The following DRC7 variants were observed in gnomAD, a reference collection of about 807,000 sequenced individuals.
DRC7 encodes the protein coiled-coil domain containing 135.
DRC7 carries 80 observed loss-of-function variants against 104.4 expected under a neutral mutation model. The observed-to-expected ratio is 0.77, with a 90% CI of 0.64 to 0.92. The LOEUF is 0.92. DRC7 is among the 40% of genes least tolerant of loss of function. The probability of loss-of-function intolerance (pLI) is 0.00; values close to 1 mark genes in which losing one functional copy is unlikely to be tolerated. For synonymous variants in DRC7, 405 were observed against 447.3 expected, an observed-to-expected ratio of 0.91 and a Z score of 1.19; for missense variants, 1,034 against 1,141.1, an observed-to-expected ratio of 0.91 and a Z score of 1.35.
chr16:57,730,104 AG>A (rs2049040614), intron 17 of DRC7, among the ~76,000 whole-genome samples: 1 of 58,238 alleles, frequency 1.7e-5, no homozygotes. Flanking sequence ...TGGATGAGTG[AG>A]TGAGCGGGTG....
chr16:57,722,386 G>A (rs1297355525), intron 10 of DRC7, among the ~76,000 whole-genome samples: 1 of 152,142 alleles, frequency 6.6e-6, no homozygotes, highest in Non-Finnish European at 1.5e-5. Flanking sequence ...AGTCCAACAA[G>A]GGGAGGAGGG....
Position 57,702,023 on chromosome 16 carries a change from A to G in DRC7, c.592A>G (p.Ile198Val). ...CAGTACGCTGCTCTGCTCCATGCTT[A>G]TCGGCTCTGGCTATGATGCTTACTG... is the stretch of plus-strand genomic sequence containing the variant. The part of the protein sequence containing the change: ...DFSTLLCSML[I>V]GSGYDAYCVN... The change falls in exon 6 of 19, where the codon ATC (isoleucine) becomes GTC (valine). Residue 198 changes from isoleucine to valine, a missense_variant. Transcript: ENST00000360716. The G allele has an allele frequency of 1.2e-6, 2 of 1,614,210 alleles. No individual in the cohort carries two copies. Among genetic ancestry groups the G allele is most frequent in the Non-Finnish European group, 1.7e-6 (2 of 1,180,026 alleles).
chr16:57,700,393 A>T, intron 5 of DRC7, 123 bp downstream of exon 5: 1 of 1,296,418 alleles, frequency 7.7e-7, no homozygotes, highest in South Asian at 1.5e-5. Flanking sequence ...TCATGCCTGT[A>T]ATCCCAGCAT....
intron 9 of DRC7, 52 bp from the exon 10 acceptor site, chr16:57,721,615 G>C: frequency 7.0e-7 from 1 of 1,418,684 alleles, no homozygotes; most frequent in Admixed American, 1.8e-5. Context: ...CATAACTTCT[G>C]CTTCAACACC....
intron 17 of DRC7, 142 bp from the exon 18 acceptor site, chr16:57,730,789 G>A: frequency 1.2e-6 from 1 of 830,586 alleles, no homozygotes; most frequent in South Asian, 1.7e-5. Context: ...TCTGTGGCAG[G>A]TATGGATAGG....
chr16:57,728,132 C>T (rs2048993394), intron 16 of DRC7, among the ~76,000 whole-genome samples: 2 of 152,236 alleles, frequency 1.3e-5, no homozygotes, highest in Non-Finnish European at 2.9e-5. Context: ...CCTGTCAGAT[C>T]CTCAGATCCT....
chr16:57,720,958 G>A (rs1171380329), intron 9 of DRC7, among the ~76,000 whole-genome samples: 1 of 152,160 alleles, frequency 6.6e-6, no homozygotes, highest in Non-Finnish European at 1.5e-5. Context: ...AGCACTATGG[G>A]AGGCCAAGGT....
intron 8 of DRC7, 118 bp from the exon 9 acceptor site, chr16:57,718,229 A>G (rs1476699162): frequency 1.5e-6 from 2 of 1,332,024 alleles, no homozygotes; most frequent in Non-Finnish European, 2.1e-6. Flanking sequence ...TGCTTCCCCA[A>G]GCCCTGGGCC....
chr16:57,722,908 T>G (rs2048919888), intron 11 of DRC7, 67 bp downstream of exon 11: 2 of 1,612,684 alleles, frequency 1.2e-6, no homozygotes, highest in African/African-American at 2.7e-5. Context: ...CTACTCTCTC[T>G]GGGGTCATTG....
chr16:57,697,894 T>C lies in DRC7; in HGVS notation c.-37-19T>C. On this transcript the variant is annotated intron_variant, in intron 2 of 18. Coordinates refer to ENST00000360716, the MANE Select transcript of DRC7 (RefSeq NM_001289162.2). ...TGGGCTGACAGTCGGCCATGGAGTA[T>C]ACTTACCCTTCCCCACAGAGACATT... The C allele has an allele frequency of 6.3e-7, 1 of 1,584,318 alleles. No homozygotes were observed. The highest frequency in any genetic ancestry group is 1.2e-5 in the South Asian group (1 of 86,204).
intron 17 of DRC7, among the ~76,000 whole-genome samples, chr16:57,730,115 G>A (rs575362053): frequency 2.8e-5 from 4 of 141,228 alleles, no homozygotes; most frequent in Non-Finnish European, 6.0e-5. Flanking sequence ...GTGAGCGGGT[G>A]GGTGGATGGA....
intron 10 of DRC7, among the ~76,000 whole-genome samples, chr16:57,721,972 AGTGAGCATGTGTGG>A (rs2048908232): frequency 6.6e-6 from 1 of 150,888 alleles, no homozygotes; most frequent in South Asian, 2.1e-4. Flanking sequence ...GATGCAGTTC[AGTGAGCATGTGTGG>A]GATGATGGCG....
intron 14 of DRC7, 50 bp downstream of exon 14, chr16:57,726,333 G>T (rs760567811): frequency 3.8e-5 from 58 of 1,512,846 alleles, no homozygotes; most frequent in Non-Finnish European, 4.9e-5. Context: ...GAGGAACCGG[G>T]GCTCTCTGTC....
intron 17 of DRC7, among the ~76,000 whole-genome samples, chr16:57,729,917 G>C (rs1597816666): frequency 7.9e-6 from 1 of 127,340 alleles, no homozygotes; most frequent in East Asian, 2.8e-4. Flanking sequence ...TAGGTGGGTG[G>C]ATGGATGAGT....
At chr16:57,710,679 G>T (rs991310408) in intron 8 of DRC7, among the ~76,000 whole-genome samples, 1 of 152,120 alleles carries the variant, frequency 6.6e-6, no homozygotes, top group Non-Finnish European at 1.5e-5. Flanking sequence ...GTCCTAGTTT[G>T]CTGAGAGTTT....
Position 57,718,258 on chromosome 16 carries a change from C to T in DRC7, c.1078-89C>T, listed in dbSNP as rs1462575051. 1.8e-5 allele frequency: 28 copies of T among 1,516,620 alleles called. No individual in the cohort carries two copies. The East Asian group carries it at 2.3e-4, about 12-fold the overall frequency. 93.9% of individuals were successfully genotyped at this position (1,516,620 alleles called of 1,614,324 possible). ...CTGGGCCCAGGTCCCTTCTCTGCCC[C>T]GGAGTAGCCATCTCCCAACTCCCCA... On this transcript the variant is annotated intron_variant, in intron 8 of 18. Coordinates refer to ENST00000360716, the MANE Select transcript of DRC7 (RefSeq NM_001289162.2).
Position 57,717,663 on chromosome 16 carries a change from C to T in DRC7, c.1078-684C>T, listed in dbSNP as rs574245126. ...GCAGTGAGCCGAGATCACGCCACTG[C>T]ACTCCAGCCTGGGCGACAGAGTGAG... is the stretch of plus-strand genomic sequence containing the variant. On this transcript the variant is annotated intron_variant, in intron 8 of 18. Transcript: ENST00000360716. Among the ~76,000 whole-genome samples, 7 of 151,608 alleles carry T rather than the reference C, an allele frequency of 4.6e-5. No individual in the cohort carries two copies. In the South Asian group the frequency reaches 1.5e-3, roughly 32 times the overall value.
rs2048664845 is a variant in DRC7, at chr16:57,702,048, G to C, written c.617G>C (p.Cys206Ser). Residue 206 changes from cysteine to serine, a missense_variant, in exon 6 of 19, where the codon TGC (cysteine) becomes TCC (serine). Cys to Ser is a moderately radical substitution (Grantham distance 112). Coordinates refer to ENST00000360716, the MANE Select transcript of DRC7 (RefSeq NM_001289162.2). The stretch of plus-strand genomic sequence containing the variant: ...ATCGGCTCTGGCTATGATGCTTACT[G>C]CGTCAACGGCTACGGCTCGCTGGAC... ...MLIGSGYDAY[C>S]VNGYGSLDLC... The C allele has an allele frequency of 1.9e-5, 31 of 1,614,208 alleles. No individual in the cohort carries two copies. Among genetic ancestry groups the C allele is most frequent in the Non-Finnish European group, 2.5e-5 (30 of 1,180,042 alleles).
intron 1 of DRC7, among the ~76,000 whole-genome samples, chr16:57,695,880 G>A (rs1224980161): frequency 6.6e-6 from 1 of 152,242 alleles, no homozygotes; most frequent in African/African-American, 2.4e-5. Flanking sequence ...CTGGTGGCCA[G>A]GGACTCACCT....
Sources: allele counts gnomAD v4.1 joint callset (sites outside exome capture counted in the v4.1 genomes callset), GRCh38; gene constraint gnomAD v4.1.1; transcripts MANE v1.5; gene names NCBI Gene and HGNC (gene_info 2026-07-23, HGNC 2026-07-21).